Variants in SATB1 observed in about 807,000 individuals in gnomAD.
The protein encoded by SATB1 is SATB homeobox 1.
SATB1 carries 11 observed loss-of-function variants against 86.9 expected under a neutral mutation model. That is an observed-to-expected ratio of 0.13 (90% confidence interval 0.08 to 0.21). SATB1 has a LOEUF of 0.21. Among genes scored for constraint, SATB1 ranks in the 10% least tolerant of loss-of-function variants. SATB1 has a pLI of 1.00. For missense variants in SATB1, 551 were observed against 937.6 expected (o/e 0.59, Z 5.39); for synonymous variants, 357 against 357.2 (o/e 1.00, Z 0.01).
intron 9 of SATB1, among the ~76,000 whole-genome samples, chr3:18,356,992 T>C (rs1694676451): frequency 1.3e-5 from 2 of 151,804 alleles, no homozygotes; most frequent in Admixed American, 1.3e-4. Context: ...TATATTATCA[T>C]TATGTACATA....
At chr3:18,417,617 C>A (rs1698185580) in intron 2 of SATB1, 1 of 678,716 alleles carries the variant, frequency 1.5e-6, no homozygotes, top group Non-Finnish European at 2.6e-6. Flanking sequence ...AAATCATTTT[C>A]TTCCTTTTTT....
At chr3:18,404,343 T>A (rs898046107) in intron 5 of SATB1, among the ~76,000 whole-genome samples, 19 of 152,194 alleles carry the variant, frequency 1.2e-4, no homozygotes, top group African/African-American at 4.1e-4. Flanking sequence ...ATATTTGGAA[T>A]CTCAATTTGT....
At chr3:18,392,508 A>G (rs1696728081) in intron 7 of SATB1, among the ~76,000 whole-genome samples, 1 of 152,036 alleles carries the variant, frequency 6.6e-6, no homozygotes, top group Non-Finnish European at 1.5e-5. Flanking sequence ...TTAAGAAATA[A>G]CTGCTCAATT....
chr3:18,391,624 C>T (rs904008844), intron 7 of SATB1, among the ~76,000 whole-genome samples: 21 of 147,502 alleles, frequency 1.4e-4, no homozygotes, highest in African/African-American at 4.8e-4. Flanking sequence ...TGAGAATATG[C>T]GGTGTTTGGT....
In SATB1 at chr3:18,424,802, G is replaced by A. The variant is rs958656579; in HGVS notation, c.-1200C>T. 5.2e-5 allele frequency: 8 copies of A among 152,572 alleles called. No homozygotes were observed. Among genetic ancestry groups the A allele is most frequent in the East Asian group, 1.9e-4 (1 of 5,170 alleles). 9.5% of individuals were successfully genotyped at this position (152,572 alleles called of 1,614,324 possible). A position where few individuals can be genotyped will look rare whatever the true frequency, so the allele number is the denominator to read the frequency against. On this transcript the variant is annotated 5_prime_UTR_variant, in exon 1 of 11. Transcript: ENST00000338745. ...TCAGGAGTTTCCCGAAATGAAAGAG[G>A]GGGGCGGGCAGCGTCCTCTAGAGTC...
intron 5 of SATB1, among the ~76,000 whole-genome samples, chr3:18,411,980 T>C (rs1392829875): frequency 1.4e-5 from 2 of 145,618 alleles, no homozygotes; most frequent in Non-Finnish European, 3.1e-5. Flanking sequence ...TAAGTATTCC[T>C]TTTTTTTTTT....
At chr3:18,422,779 GAAAA>G (rs1001046630) in intron 1 of SATB1, among the ~76,000 whole-genome samples, 3 of 151,690 alleles carry the variant, frequency 2.0e-5, no homozygotes, top group African/African-American at 7.3e-5. Context: ...AATTTAAGAG[GAAAA>G]AAAGGGAGGG....
intron 5 of SATB1, among the ~76,000 whole-genome samples, chr3:18,406,644 C>T (rs1697552065): frequency 6.6e-6 from 1 of 151,996 alleles, no homozygotes; most frequent in Non-Finnish European, 1.5e-5. Context: ...AACTCCAAGG[C>T]TATTGTTGTG....
chr3:18,348,992 A>G lies in SATB1; in HGVS notation c.*178T>C. Reference sequence around the variant, plus strand: ...GGCTGCCAAGCAGTTTGTAAAACAGAGGAAAACATTTAGTGCAGTCTGTAT... The same window carrying G: ...GGCTGCCAAGCAGTTTGTAAAACAGGGGAAAACATTTAGTGCAGTCTGTAT... On this transcript the variant is annotated 3_prime_UTR_variant, in exon 11 of 11. Transcript: ENST00000338745. 9.4e-7 allele frequency: 1 copy of G among 1,062,014 alleles called. No individual in the cohort carries two copies. The highest frequency in any genetic ancestry group is 1.8e-5 in the South Asian group (1 of 56,490). 65.8% of individuals were successfully genotyped at this position (1,062,014 alleles called of 1,614,324 possible).
At position 18,345,866 on chromosome 3, in the gene SATB1, T is replaced by C. The variant is rs1048465694; in HGVS notation, c.*3304A>G. 1.3e-5 allele frequency: 2 copies of C among 152,136 alleles called. No homozygotes were observed. The highest frequency in any genetic ancestry group is 4.8e-5 in the African/African-American group (2 of 41,458). The allele number at this position is 152,136 out of a possible 1,614,324, so 9.4% of individuals were successfully genotyped here. A position where few individuals can be genotyped will look rare whatever the true frequency, so the allele number is the denominator to read the frequency against. Reference sequence around the variant, plus strand: ...ATCAAAGACCTTAATATCAGCCAGATGCTAACAATTGGGAATAGGGCAGAA... The same window carrying C: ...ATCAAAGACCTTAATATCAGCCAGACGCTAACAATTGGGAATAGGGCAGAA... On this transcript the variant is annotated 3_prime_UTR_variant, in exon 11 of 11. Transcript: ENST00000338745.
chr3:18,391,667 G>C (rs1049287575), intron 7 of SATB1, among the ~76,000 whole-genome samples: 2 of 151,874 alleles, frequency 1.3e-5, no homozygotes, highest in African/African-American at 4.8e-5. Flanking sequence ...AGTTGGAACT[G>C]CACATTGTAC....
chr3:18,422,358 G>A (rs1383877865), intron 1 of SATB1, among the ~76,000 whole-genome samples: 1 of 152,054 alleles, frequency 6.6e-6, no homozygotes, highest in Non-Finnish European at 1.5e-5. Context: ...AAGAAAAGGG[G>A]GGCAGCAATG....
intron 1 of SATB1, chr3:18,421,202 G>T: frequency 2.4e-6 from 1 of 416,174 alleles, no homozygotes; most frequent in Non-Finnish European, 4.3e-6. Context: ...TGTGGAAACT[G>T]TACCAATACA....
chr3:18,385,660 G>T (rs1330334790), intron 8 of SATB1, among the ~76,000 whole-genome samples: 1 of 151,936 alleles, frequency 6.6e-6, no homozygotes. Flanking sequence ...TTTGCTTGTG[G>T]TTTTTGAGTC....
intron 5 of SATB1, among the ~76,000 whole-genome samples, chr3:18,407,386 A>C (rs1559443256): frequency 6.6e-6 from 1 of 152,062 alleles, no homozygotes; most frequent in Non-Finnish European, 1.5e-5. Flanking sequence ...TTTTCACTAA[A>C]AATGAAGATT....
At position 18,394,339 on chromosome 3, in the gene SATB1, G is replaced by A; in HGVS notation, c.1206+123C>T. 1 of 805,568 alleles carries A rather than the reference G, an allele frequency of 1.2e-6. No individual in the cohort carries two copies. Among genetic ancestry groups the A allele is most frequent in the East Asian group, 2.6e-5 (1 of 38,818 alleles). 49.9% of individuals were successfully genotyped at this position (805,568 alleles called of 1,614,324 possible). A position where few individuals can be genotyped will look rare whatever the true frequency, so the allele number is the denominator to read the frequency against. On this transcript the variant is annotated intron_variant, in intron 7 of 10. Coordinates refer to ENST00000338745, the MANE Select transcript of SATB1 (RefSeq NM_002971.6). This position sits in a 1 kb window ranked among gnomAD's most constrained non-coding sequence, Gnocchi z 5.9. Reference sequence around the variant, plus strand: ...AGGCTCCACCAGGAATAGGTAATATGATCACATGAAGAGAGAGAGAAAATG... The same window carrying A: ...AGGCTCCACCAGGAATAGGTAATATAATCACATGAAGAGAGAGAGAAAATG...
intron 9 of SATB1, among the ~76,000 whole-genome samples, chr3:18,372,174 A>G (rs992112405): frequency 3.3e-5 from 5 of 152,228 alleles, no homozygotes; most frequent in Admixed American, 2.0e-4. Context: ...ATTGCTGTAA[A>G]GGGACCACTC....
intron 5 of SATB1, among the ~76,000 whole-genome samples, chr3:18,401,623 T>C (rs753166825): frequency 6.6e-6 from 1 of 152,092 alleles, no homozygotes; most frequent in Non-Finnish European, 1.5e-5. Context: ...TCGGTTGAAA[T>C]ACCAAGTTCA....
chr3:18,371,069 GA>G (rs879668891), intron 9 of SATB1, among the ~76,000 whole-genome samples: 6 of 152,134 alleles, frequency 3.9e-5, no homozygotes, highest in Non-Finnish European at 8.8e-5. Flanking sequence ...TCTGATTTAC[GA>G]AATCAGAGGC....
Sources: gnomAD v4.1 joint callset for allele counts (sites outside exome capture counted in the v4.1 genomes callset) on GRCh38, gnomAD v4.1.1 for gene constraint, Gnocchi (gnomAD v3.1) non-coding constraint, MANE v1.5 for transcripts, NCBI Gene and HGNC (gene_info 2026-07-23, HGNC 2026-07-21) for gene names.